Variants in CFTR observed in about 807,000 individuals in gnomAD.
The protein encoded by CFTR is cystic fibrosis transmembrane conductance regulator.
Under a neutral mutation model 171.6 loss-of-function variants are expected in CFTR, and 181 were observed. The observed-to-expected ratio is 1.05, with a 90% confidence interval of 0.93 to 1.19. CFTR has a LOEUF of 1.19. Among genes scored for constraint, CFTR ranks in the 50% most tolerant of loss-of-function variants. The pLI, the probability that CFTR is intolerant of heterozygous loss-of-function variation, is 0.00. For missense variants in CFTR, 1,968 were observed against 1,734.7 expected, an observed-to-expected ratio of 1.13 and a Z score of -2.39; for synonymous variants, 583 against 608.0, an observed-to-expected ratio of 0.96 and a Z score of 0.60.
chr7:117,597,895 C>T (rs1792160585), intron 15 of CFTR, among the ~76,000 whole-genome samples: 1 of 152,002 alleles, frequency 6.6e-6, no homozygotes. Context: ...ACAAGAGGTG[C>T]CTGAAGCAGT....
chr7:117,624,617 C>T (rs1161628987), intron 21 of CFTR, among the ~76,000 whole-genome samples: 4 of 152,052 alleles, frequency 2.6e-5, no homozygotes, highest in Non-Finnish European at 5.9e-5. Context: ...AGGATAGAAC[C>T]AGGATTTGGT....
At chr7:117,653,040 C>G (rs1793112405) in intron 24 of CFTR, 109 bp downstream of exon 24, 1 of 780,974 alleles carries the variant, frequency 1.3e-6, no homozygotes, top group Admixed American at 1.8e-5. Context: ...TGTGTGTGCA[C>G]AACTTTAAAA....
At chr7:117,560,967 T>G (rs1227877866) in intron 11 of CFTR, among the ~76,000 whole-genome samples, 1 of 152,070 alleles carries the variant, frequency 6.6e-6, no homozygotes, top group African/African-American at 2.4e-5. Context: ...ACAGACTTTT[T>G]TTTTGCGTTA....
chr7:117,571,816 ATATATAT>A (rs1326915897), intron 11 of CFTR, among the ~76,000 whole-genome samples: 1 of 152,056 alleles, frequency 6.6e-6, no homozygotes, highest in Non-Finnish European at 1.5e-5. Flanking sequence ...AACTTCATAC[ATATATAT>A]TATATATAAA....
At chr7:117,566,634 C>T (rs1791607095) in intron 11 of CFTR, among the ~76,000 whole-genome samples, 1 of 150,004 alleles carries the variant, frequency 6.7e-6, no homozygotes, top group East Asian at 2.0e-4. Context: ...CAGAACCAAA[C>T]AGGAATGCCA....
chr7:117,611,791 T>C lies in CFTR; in HGVS notation c.3350T>C (p.Ile1117Thr), dbSNP rs751853765. ...ATCTTCTTCATTGCTGTTACCTTCA[T>C]TTCCATTTTAACAACAGGTACTATG... The part of the protein sequence containing the change: ...FVIFFIAVTF[I>T]SILTTGEGEG... Residue 1117 changes from isoleucine to threonine, a missense_variant, in exon 20 of 27, where the codon ATT becomes ACT. By Grantham distance (89) the Ile-to-Thr change is moderately conservative. Transcript: ENST00000003084. The C allele has an allele frequency of 1.2e-6, 2 of 1,611,574 alleles. No individual in the cohort carries two copies. Among genetic ancestry groups the C allele is most frequent in the South Asian group, 1.1e-5 (1 of 91,026 alleles).
At chr7:117,501,808 C>T (rs1418191872) in intron 1 of CFTR, among the ~76,000 whole-genome samples, 1 of 78,104 alleles carries the variant, frequency 1.3e-5, no homozygotes, top group African/African-American at 3.9e-5. Flanking sequence ...AGCAAACAAA[C>T]AAAAAAACAA....
intron 6 of CFTR, among the ~76,000 whole-genome samples, chr7:117,535,824 G>A (rs1396530962): frequency 2.0e-5 from 3 of 152,032 alleles, no homozygotes; most frequent in South Asian, 2.1e-4. Context: ...ATGAGCTACC[G>A]CGCCCGGCCT....
At chr7:117,648,192 T>G (rs1043301125) in intron 23 of CFTR, among the ~76,000 whole-genome samples, 8 of 151,744 alleles carry the variant, frequency 5.3e-5, no homozygotes, top group Non-Finnish European at 1.0e-4. Context: ...TATATTTCCC[T>G]TCTGAGACAA....
At chr7:117,660,189 T>C (rs953151579) in intron 24 of CFTR, among the ~76,000 whole-genome samples, 7 of 152,204 alleles carry the variant, frequency 4.6e-5, no homozygotes, top group Non-Finnish European at 7.3e-5. Flanking sequence ...TTTTCATTTA[T>C]TTATTTTTAA....
rs1792412239 is a variant in CFTR at position 117,612,044 on chromosome 7, T to TATATATAC, written c.3367+243_3367+244insCATATATA. ...ATATGTATATATATATATATATATA[T>TATATATAC]ATATATATACATATATATATATAGT... On this transcript the variant is annotated intron_variant, in intron 20 of 26. Transcript: ENST00000003084. Among the ~76,000 whole-genome samples, 7 of 75,952 alleles carry TATATATAC rather than the reference T, an allele frequency of 9.2e-5. No individual in the cohort carries two copies. In the South Asian group the frequency reaches 2.6e-3, roughly 28 times the overall value. The allele number at this position is 75,952 out of a possible 152,430, so 49.8% of individuals were successfully genotyped here.
chr7:117,563,969 C>A (rs1285718407), intron 11 of CFTR, among the ~76,000 whole-genome samples: 1 of 152,110 alleles, frequency 6.6e-6, no homozygotes, highest in Non-Finnish European at 1.5e-5. Flanking sequence ...GAATTTTAAG[C>A]AAATGTAATG....
intron 22 of CFTR, among the ~76,000 whole-genome samples, chr7:117,641,998 C>G (rs1360464037): frequency 1.3e-5 from 2 of 152,154 alleles, no homozygotes; most frequent in Non-Finnish European, 2.9e-5. Context: ...GGGTCAACAT[C>G]TAAATATTAG....
intron 20 of CFTR, among the ~76,000 whole-genome samples, chr7:117,612,485 A>G (rs531428159): frequency 6.6e-6 from 1 of 152,272 alleles, no homozygotes; most frequent in South Asian, 2.1e-4. Flanking sequence ...CATAATAAGT[A>G]AAATAAAAAT....
intron 18 of CFTR, among the ~76,000 whole-genome samples, chr7:117,607,350 G>A (rs1022853029): frequency 2.0e-5 from 3 of 152,172 alleles, no homozygotes; most frequent in Non-Finnish European, 2.9e-5. Flanking sequence ...TGGCTCAGAG[G>A]CTGACTCTTT....
chr7:117,595,529 A>G (rs1361112455), intron 15 of CFTR, among the ~76,000 whole-genome samples: 1 of 151,448 alleles, frequency 6.6e-6, no homozygotes, highest in Admixed American at 6.6e-5. Context: ...AAGAGTTTTT[A>G]ATAGATTTTA....
At chr7:117,606,496 A>C (rs991268234) in intron 17 of CFTR, among the ~76,000 whole-genome samples, 178 bp from the exon 18 acceptor site, 1 of 152,204 alleles carries the variant, frequency 6.6e-6, no homozygotes, top group Admixed American at 6.6e-5. Context: ...ACTTGAACAC[A>C]TAATTATTTA....
chr7:117,600,609 G>C (rs183734377), intron 15 of CFTR, among the ~76,000 whole-genome samples: 173 of 152,058 alleles, frequency 1.1e-3, no homozygotes, highest in African/African-American at 4.0e-3. Context: ...TTGACTAATA[G>C]TAATAATTTT....
chr7:117,532,948 G>A (rs1798886904), intron 4 of CFTR, among the ~76,000 whole-genome samples: 1 of 152,080 alleles, frequency 6.6e-6, no homozygotes, highest in South Asian at 2.1e-4. Flanking sequence ...AGGATATGTG[G>A]GACCTTTCCT....
Sources: gnomAD v4.1 joint callset for allele counts (sites outside exome capture counted in the v4.1 genomes callset) on GRCh38, gnomAD v4.1.1 for gene constraint, MANE v1.5 for transcripts, NCBI Gene and HGNC (gene_info 2026-07-23, HGNC 2026-07-21) for gene names.